RARS1: variants seen among roughly 807,000 people sequenced by gnomAD.
RARS1 encodes arginine--tRNA ligase, cytoplasmic.
In RARS1, 75 loss-of-function variants were observed where a neutral mutation model predicts 78.7. That is an observed-to-expected ratio of 0.95 (90% CI 0.79 to 1.15). The LOEUF is 1.15. Ranked by LOEUF, RARS1 falls within the 50% of genes most tolerant of loss-of-function variation. RARS1 has a pLI of 0.00. For missense variants in RARS1, 787 were observed against 787.5 expected, an observed-to-expected ratio of 1.00 and a Z score of 0.01; for synonymous variants, 273 against 268.2, an observed-to-expected ratio of 1.02 and a Z score of -0.18.
intron 6 of RARS1, among the ~76,000 whole-genome samples, chr5:168,496,152 A>G (rs9647575): frequency 0.13 from 19,720 of 151,934 alleles, 1,711 homozygotes; most frequent in Non-Finnish European, 0.19. Context: ...AGGCCAAGGA[A>G]GGATGGATCA....
chr5:168,503,609 C>G (rs1758373654), intron 9 of RARS1, among the ~76,000 whole-genome samples: 1 of 103,860 alleles, frequency 9.6e-6, no homozygotes, highest in Non-Finnish European at 1.9e-5. Flanking sequence ...TTTTTTCAAC[C>G]CCTTTGGTAG....
Position 168,510,595 on chromosome 5 carries a change from C to T in RARS1, c.1361C>T (p.Thr454Ile), listed in dbSNP as rs540879090. The T allele has an allele frequency of 5.0e-6, 8 of 1,607,586 alleles. No homozygotes were observed. Among genetic ancestry groups the T allele is most frequent in the Admixed American group, 3.5e-5 (2 of 57,830 alleles). Residue 454 changes from threonine to isoleucine, a missense_variant, in exon 12 of 15, where the codon ACA becomes ATA. Coordinates refer to ENST00000231572, the MANE Select transcript of RARS1 (RefSeq NM_002887.4). ...VLGEDKKKFK[T>I]RSGETVRLMD... ...ACATTTTTTAGGAAAAAGTTTAAAACACGTTCGGGTGAAACAGTGCGCCTC... is the reference window on the plus strand; with the variant it reads ...ACATTTTTTAGGAAAAAGTTTAAAATACGTTCGGGTGAAACAGTGCGCCTC...
At position 168,519,221 on chromosome 5, in the gene RARS1, TACC is replaced by T. The variant is rs1758738593; in HGVS notation, c.*33_*35del. ...CATAGGTTTGAACACTGTGTGTTTT[TACC>T]AAAGTGGCCATTGGCACTGTTTGCT... On this transcript the variant is annotated 3_prime_UTR_variant, in exon 15 of 15. Coordinates refer to ENST00000231572, the MANE Select transcript of RARS1 (RefSeq NM_002887.4). 5.2e-6 allele frequency: 8 copies of T among 1,546,912 alleles called. No individual in the cohort carries two copies. The highest frequency in any genetic ancestry group is 7.1e-6 in the Non-Finnish European group (8 of 1,124,338).
At chr5:168,504,063 A>G (rs1267527427) in intron 9 of RARS1, among the ~76,000 whole-genome samples, 3 of 17,950 alleles carry the variant, frequency 1.7e-4, no homozygotes, top group African/African-American at 7.9e-4. Context: ...CCTGTCTCTG[A>G]AAAAAAAAAA....
rs1315171073 is a variant in RARS1 at position 168,501,050 on chromosome 5, A to T, written c.952+330A>T. On this transcript the variant is annotated intron_variant, in intron 8 of 14. Coordinates refer to ENST00000231572, the MANE Select transcript of RARS1 (RefSeq NM_002887.4). ...AATGTGTAGGACCAAAATGATGAGA[A>T]GTGTACAATGAGATGTAATAGAATG... is the stretch of plus-strand genomic sequence containing the variant. Among the ~76,000 whole-genome samples, 4 of 152,344 alleles carry T rather than the reference A, an allele frequency of 2.6e-5. No individual in the cohort carries two copies. The East Asian group carries it at 7.7e-4, about 29-fold the overall frequency.
In RARS1 at chr5:168,493,720, G is replaced by T. The variant is rs9647573; in HGVS notation, c.370-174G>T. Among the ~76,000 whole-genome samples, 23,485 of 151,224 alleles carry T rather than the reference G, an allele frequency of 0.16. 2,029 individuals carry two copies. Among genetic ancestry groups the T allele is most frequent in the Non-Finnish European group, 0.19 (13,065 of 67,882 alleles). On this transcript the variant is annotated intron_variant, in intron 3 of 14. Transcript: ENST00000231572. Reference sequence around the variant, plus strand: ...ATCATGTAGTGTGGGCACTTTCTATGCCTCTTGGCACTATTGATACTTTAA... The same window carrying T: ...ATCATGTAGTGTGGGCACTTTCTATTCCTCTTGGCACTATTGATACTTTAA...
chr5:168,492,119 A>G (rs1428206861), intron 2 of RARS1, among the ~76,000 whole-genome samples: 1 of 152,152 alleles, frequency 6.6e-6, no homozygotes, highest in Non-Finnish European at 1.5e-5. Flanking sequence ...AGATAATTAT[A>G]TGCCATCTTA....
intron 13 of RARS1, among the ~76,000 whole-genome samples, 172 bp downstream of exon 13, chr5:168,517,122 ACTT>A (rs1310863219): frequency 6.6e-6 from 1 of 151,204 alleles, no homozygotes; most frequent in African/African-American, 2.4e-5. Flanking sequence ...ATTACACCTG[ACTT>A]CTAAAGTGTT....
At position 168,497,345 on chromosome 5, in the gene RARS1, T is replaced by C. The variant is rs1472503248; in HGVS notation, c.819T>C (p.Tyr273=). 6.4e-7 allele frequency: 1 copy of C among 1,571,794 alleles called. No homozygotes were observed. The highest frequency in any genetic ancestry group is 1.8e-5 in the Admixed American group (1 of 54,564). The part of the protein sequence containing the change: ...SPPIGDLQVF[Y]KESKKRFDTE... ...CTATTGGGGATCTTCAGGTCTTTTA[T>C]AAGGTTTGATACCATTTCTTTTATA... Residue 273 remains tyrosine, a synonymous_variant, in exon 7 of 15, where the codon TAT becomes TAC. Transcript: ENST00000231572.
At chr5:168,495,705 G>A (rs1315906113) in intron 6 of RARS1, among the ~76,000 whole-genome samples, 1 of 152,130 alleles carries the variant, frequency 6.6e-6, no homozygotes, top group East Asian at 1.9e-4. Flanking sequence ...AGGACCTCTT[G>A]TATGCAATGG....
rs1342347615 is a variant in RARS1, at chr5:168,517,743, G to A, written c.1626-72G>A. 1.5e-5 allele frequency: 17 copies of A among 1,101,024 alleles called. No individual in the cohort carries two copies. In the East Asian group the frequency reaches 4.5e-4, roughly 29 times the overall value. The allele number at this position is 1,101,024 out of a possible 1,614,324, so 68.2% of individuals were successfully genotyped here. A position where few individuals can be genotyped will look rare whatever the true frequency, so the allele number is the denominator to read the frequency against. ...CTTCTTTTTAATCGGTGATAATTTC[G>A]AGTGGAGAATGAGTGTGCCTAAAAA... On this transcript the variant is annotated intron_variant, in intron 13 of 14. Transcript: ENST00000231572.
chr5:168,488,709 AAAG>A lies in RARS1; in HGVS notation c.154_156del (p.Lys52del), dbSNP rs1561818326. The A allele has an allele frequency of 6.2e-7, 1 of 1,610,900 alleles. No individual in the cohort carries two copies. The highest frequency in any genetic ancestry group is 8.5e-7 in the Non-Finnish European group (1 of 1,179,170). ...AGTTACAAGAAGAAAATTTAAAATT[AAAG>A]TATCGACTGAATATTCTTCGAAAGG... is the stretch of plus-strand genomic sequence containing the variant. On this transcript the variant is annotated inframe_deletion, in exon 2 of 15. Coordinates refer to ENST00000231572, the MANE Select transcript of RARS1 (RefSeq NM_002887.4).
intron 3 of RARS1, 70 bp from the exon 4 acceptor site, chr5:168,493,824 G>C (rs2152903802): frequency 8.1e-7 from 1 of 1,228,648 alleles, no homozygotes; most frequent in East Asian, 2.3e-5. Flanking sequence ...CTCGTGCCTT[G>C]TCAGGTGTGC....
rs1241303534 is a variant in RARS1, at chr5:168,486,979, C to T, written c.45+436C>T. On this transcript the variant is annotated intron_variant, in intron 1 of 14. Transcript: ENST00000231572. ...CCCGGGTTACTGAGCGAGAGGATTC[C>T]TAATAAGCCCATGGGGTGATTCATT... 5.3e-5 allele frequency among the ~76,000 whole-genome samples: 8 copies of T among 152,240 alleles called. No homozygotes were observed. The East Asian group carries it at 1.4e-3, about 26-fold the overall frequency.
Position 168,492,799 on chromosome 5 carries a change from G to C in RARS1, c.321G>C (p.Gln107His). ...NPPLLVTPSQ[Q>H]AKFGDYQCNS... ...CTCTGCTAGTGACACCAAGTCAGCA[G>C]GCCAAGTTTGGGGACTATCAGTGTA... Residue 107 changes from glutamine to histidine, a missense_variant, in exon 3 of 15, where the codon CAG (glutamine) becomes CAC (histidine). By Grantham distance (24) the Gln-to-His change is conservative. Transcript: ENST00000231572. 1 of 1,613,854 alleles carries C rather than the reference G, an allele frequency of 6.2e-7. No individual in the cohort carries two copies. Among genetic ancestry groups the C allele is most frequent in the Non-Finnish European group, 8.5e-7 (1 of 1,179,780 alleles).
In RARS1 at chr5:168,506,706, T is replaced by A; in HGVS notation, c.1237-16T>A. The A allele has an allele frequency of 6.4e-7, 1 of 1,572,226 alleles. No homozygotes were observed. Reference sequence around the variant, plus strand: ...TTTAAAGAAGACTAGCAAGTAACTTTCCGTTTCTGTTGTAGTCTGTGCACT... The same window carrying A: ...TTTAAAGAAGACTAGCAAGTAACTTACCGTTTCTGTTGTAGTCTGTGCACT... On this transcript the variant is annotated splice_polypyrimidine_tract_variant and intron_variant, in intron 10 of 14. Coordinates refer to ENST00000231572, the MANE Select transcript of RARS1 (RefSeq NM_002887.4).
At chr5:168,506,603 G>C in intron 10 of RARS1, 119 bp from the exon 11 acceptor site, 1 of 705,070 alleles carries the variant, frequency 1.4e-6, no homozygotes, top group Admixed American at 3.0e-5. Context: ...AATAGCACTT[G>C]TCTCACAAGA....
chr5:168,518,062 G>A lies in RARS1; in HGVS notation c.1873G>A (p.Gly625Arg). ...CTGTGTGGAGAAAGATAGACAGACT[G>A]GTGAGTGTCTTTTTTTTTTTTTTTT... ...CYCVEKDRQTGKILKVNMWRM... is the reference protein window; with the variant it reads ...CYCVEKDRQTRKILKVNMWRM... The change falls in exon 14 of 15, where the codon GGA (glycine) becomes AGA (arginine). Residue 625 changes from glycine (G) to arginine (R), a missense_variant and splice_region_variant. Coordinates refer to ENST00000231572, the MANE Select transcript of RARS1 (RefSeq NM_002887.4). 1.1e-6 allele frequency: 1 copy of A among 874,782 alleles called. No individual in the cohort carries two copies. Among genetic ancestry groups the A allele is most frequent in the Non-Finnish European group, 1.5e-6 (1 of 656,974 alleles). 54.2% of individuals were successfully genotyped at this position (874,782 alleles called of 1,614,324 possible).
At chr5:168,489,252 T>A (rs1034740496) in intron 2 of RARS1, among the ~76,000 whole-genome samples, 4 of 152,024 alleles carry the variant, frequency 2.6e-5, no homozygotes, top group African/African-American at 9.7e-5. Context: ...ATTCCTGGCT[T>A]CAAGCAACCC....
Sources: gnomAD v4.1 joint callset for allele counts (sites outside exome capture counted in the v4.1 genomes callset) on GRCh38, gnomAD v4.1.1 for gene constraint, MANE v1.5 for transcripts, NCBI Gene and HGNC (gene_info 2026-07-23, HGNC 2026-07-21) for gene names.